Variants in CEP135 observed in about 807,000 individuals in gnomAD.
CEP135 encodes the protein centrosomal protein of 135 kDa.
CEP135 carries 142 observed loss-of-function variants against 157.3 expected under a neutral mutation model. That is an observed-to-expected ratio of 0.90 (90% CI 0.79 to 1.04). The LOEUF (loss-of-function observed/expected upper bound fraction) is 1.04. CEP135 is among the 50% of genes least tolerant of loss of function. The pLI, the probability that CEP135 is intolerant of heterozygous loss-of-function variation, is 0.00. For synonymous variants in CEP135, 396 were observed against 439.8 expected (o/e 0.90, Z 1.25); for missense variants, 1,317 against 1,309.2 (o/e 1.01, Z -0.09).
intron 14 of CEP135, among the ~76,000 whole-genome samples, chr4:55,988,014 G>A (rs1729645019): frequency 6.6e-6 from 1 of 152,100 alleles, no homozygotes; most frequent in African/African-American, 2.4e-5. Context: ...TACAATTTTA[G>A]TAGTCATGAA....
At chr4:55,972,770 G>T (rs1030028058) in intron 10 of CEP135, among the ~76,000 whole-genome samples, 9 of 152,274 alleles carry the variant, frequency 5.9e-5, no homozygotes, top group Non-Finnish European at 1.2e-4. Context: ...GGTGGCTCAC[G>T]CCTGTAATCC....
chr4:56,018,102 C>G (rs1392645631), intron 22 of CEP135, among the ~76,000 whole-genome samples: 1 of 152,018 alleles, frequency 6.6e-6, no homozygotes, highest in Non-Finnish European at 1.5e-5. Context: ...GCCTCAGCAT[C>G]CTGAGTAACT....
chr4:55,999,653 A>G lies in CEP135; in HGVS notation c.2280+8A>G. On this transcript the variant is annotated splice_region_variant and intron_variant, in intron 17 of 25. Transcript: ENST00000257287. ...GAAAACCTAGCTAATAAAGTATGTGATCGTTTAATGTAATTTTCCAGCATC... is the reference window on the plus strand; with the variant it reads ...GAAAACCTAGCTAATAAAGTATGTGGTCGTTTAATGTAATTTTCCAGCATC... The G allele has an allele frequency of 6.3e-7, 1 of 1,580,442 alleles. No individual in the cohort carries two copies. The highest frequency in any genetic ancestry group is 8.5e-7 in the Non-Finnish European group (1 of 1,171,698).
chr4:56,010,348 T>G (rs911822063), intron 19 of CEP135, among the ~76,000 whole-genome samples: 6 of 121,862 alleles, frequency 4.9e-5, no homozygotes, highest in Non-Finnish European at 9.7e-5. Context: ...GGCAACAGAG[T>G]GAGACTCCAT....
At chr4:55,952,864 A>G (rs1208752275) in intron 2 of CEP135, among the ~76,000 whole-genome samples, 1 of 152,184 alleles carries the variant, frequency 6.6e-6, no homozygotes, top group Non-Finnish European at 1.5e-5. Flanking sequence ...GTGTTGTGCT[A>G]CAGTGTTACA....
intron 11 of CEP135, among the ~76,000 whole-genome samples, chr4:55,979,706 G>A (rs1729336245): frequency 6.6e-6 from 1 of 152,152 alleles, no homozygotes; most frequent in African/African-American, 2.4e-5. Flanking sequence ...TAGAGGGCTT[G>A]ATAAAATACA....
intron 23 of CEP135, 95 bp from the exon 24 acceptor site, chr4:56,020,581 G>A: frequency 1.1e-6 from 1 of 869,760 alleles, no homozygotes; most frequent in Non-Finnish European, 1.8e-6. Flanking sequence ...CTTGTTGAAA[G>A]GTCTTGATCT....
chr4:56,001,266 T>A (rs947804943), intron 17 of CEP135, among the ~76,000 whole-genome samples: 5 of 152,172 alleles, frequency 3.3e-5, no homozygotes, highest in Non-Finnish European at 7.3e-5. Context: ...CTTAATGTAA[T>A]CCCATTTGTC....
chr4:55,979,541 T>A lies in CEP135; in HGVS notation c.1474-602T>A, dbSNP rs1395439714. On this transcript the variant is annotated intron_variant, in intron 11 of 25. Coordinates refer to ENST00000257287, the MANE Select transcript of CEP135 (RefSeq NM_025009.5). ...GGGGTTGGTATGCCTGGCGTATTGA[T>A]CTTAGATTCAATCATAGAAAACACT... is the stretch of plus-strand genomic sequence containing the variant. 3.9e-5 allele frequency among the ~76,000 whole-genome samples: 6 copies of A among 152,190 alleles called. No individual in the cohort carries two copies. The East Asian group carries it at 1.2e-3, about 29-fold the overall frequency.
chr4:56,023,233 G>A (rs1009398476), intron 24 of CEP135, among the ~76,000 whole-genome samples: 3 of 147,176 alleles, frequency 2.0e-5, no homozygotes, highest in African/African-American at 4.9e-5. Flanking sequence ...AAAAAAAAAA[G>A]AGAGAATTAG....
rs778318195 is a variant in CEP135, at chr4:55,952,127, C to T, written c.-4C>T. 1.9e-5 allele frequency: 29 copies of T among 1,528,256 alleles called. No homozygotes were observed. The highest frequency in any genetic ancestry group is 1.1e-4 in the South Asian group (9 of 84,636). 94.7% of individuals were successfully genotyped at this position (1,528,256 alleles called of 1,614,324 possible). On this transcript the variant is annotated 5_prime_UTR_variant, in exon 2 of 26. The change creates a new upstream start codon in the 5' untranslated region. Coordinates refer to ENST00000257287, the MANE Select transcript of CEP135 (RefSeq NM_025009.5). ...AGTGAATAAAACTTGTTTTAGAAGA[C>T]GAGATGACTACAGCTGTAGAGAGAA...
chr4:55,995,524 C>T (rs1729942162), intron 15 of CEP135, among the ~76,000 whole-genome samples: 1 of 152,152 alleles, frequency 6.6e-6, no homozygotes, highest in African/African-American at 2.4e-5. Context: ...ACCTGCTTAA[C>T]ACTGCCCTTG....
intron 22 of CEP135, 52 bp downstream of exon 22, chr4:56,017,909 T>A: frequency 6.8e-7 from 1 of 1,470,560 alleles, no homozygotes; most frequent in Middle Eastern, 2.4e-4. Flanking sequence ...CCTACTCTAA[T>A]TATTTTACTT....
chr4:55,998,985 T>C (rs868064756), intron 15 of CEP135, among the ~76,000 whole-genome samples: 10 of 152,160 alleles, frequency 6.6e-5, no homozygotes, highest in African/African-American at 7.2e-5. Flanking sequence ...TGGAAAAAGA[T>C]TTAAAGGAGA....
rs1365929476 is a variant in CEP135 at position 56,020,713 on chromosome 4, A to C, written c.3253A>C (p.Lys1085Gln). 1 of 1,613,792 alleles carries C rather than the reference A, an allele frequency of 6.2e-7. No homozygotes were observed. The highest frequency in any genetic ancestry group is 2.2e-5 in the East Asian group (1 of 44,810). ...CCGGGAAAACACCATGCTTCGAGCT[A>C]AAGTGGCACAGTTACAAACAGATTA... ...QSRENTMLRA[K>Q]VAQLQTDYDA... is the part of the protein sequence containing the mutation. Residue 1085 changes from lysine (K) to glutamine (Q), a missense_variant, in exon 24 of 26, where the codon AAA becomes CAA. Transcript: ENST00000257287.
At chr4:56,021,665 C>T (rs937513917) in intron 24 of CEP135, among the ~76,000 whole-genome samples, 1 of 152,190 alleles carries the variant, frequency 6.6e-6, no homozygotes, top group African/African-American at 2.4e-5. Context: ...TACCTATTTA[C>T]GTCAAAACTT....
chr4:55,971,231 AGTT>A (rs766689006), intron 9 of CEP135, 36 bp from the exon 10 acceptor site: 2 of 1,467,406 alleles, frequency 1.4e-6, no homozygotes, highest in Non-Finnish European at 1.8e-6. Context: ...TATTTTATAA[AGTT>A]GTTAGAAATC....
chr4:55,981,176 T>G, intron 12 of CEP135, 51 bp from the exon 13 acceptor site: 1 of 1,506,002 alleles, frequency 6.6e-7, no homozygotes, highest in Non-Finnish European at 8.9e-7. Context: ...ATTTTTTATT[T>G]ATATCTTTTA....
intron 14 of CEP135, among the ~76,000 whole-genome samples, chr4:55,986,294 T>C (rs966575035): frequency 1.3e-5 from 2 of 152,224 alleles, no homozygotes; most frequent in African/African-American, 4.8e-5. Flanking sequence ...CCCAACACTT[T>C]GGGAGGCCAA....
Sources: gnomAD v4.1 joint callset for allele counts (sites outside exome capture counted in the v4.1 genomes callset) on GRCh38, gnomAD v4.1.1 for gene constraint, MANE v1.5 for transcripts, NCBI Gene and HGNC (gene_info 2026-07-23, HGNC 2026-07-21) for gene names.